The following SLC7A11 variants were observed in gnomAD, a reference collection of about 807,000 sequenced individuals.
The protein encoded by SLC7A11 is cystine/glutamate transporter.
Under a neutral mutation model 54.5 loss-of-function variants are expected in SLC7A11, and 35 were observed. The ratio of observed to expected loss-of-function variants is 0.64; its 90% CI spans 0.49 to 0.85. The LOEUF (loss-of-function observed/expected upper bound fraction) is 0.85, where lower values mean the gene tolerates loss of function less well. Among genes scored for constraint, SLC7A11 ranks in the 40% least tolerant of loss-of-function variants. The pLI, the probability that SLC7A11 is intolerant of heterozygous loss-of-function variation, is 0.00. For missense variants in SLC7A11, 583 were observed against 618.1 expected, an observed-to-expected ratio of 0.94 and a Z score of 0.60; for synonymous variants, 230 against 225.2, an observed-to-expected ratio of 1.02 and a Z score of -0.19.
chr4:138,237,393 T>C (rs1212118166), intron 1 of SLC7A11, among the ~76,000 whole-genome samples: 2 of 148,938 alleles, frequency 1.3e-5, no homozygotes, highest in African/African-American at 5.0e-5. Flanking sequence ...TCTCTGGGTG[T>C]TTTTTTTTGT....
rs752774192 is a variant in SLC7A11, at chr4:138,180,729, CTG to C, written c.1176_1177del (p.Ser393PhefsTer56). The C allele has an allele frequency of 8.7e-6, 14 of 1,612,864 alleles. No individual in the cohort carries two copies. Among genetic ancestry groups the C allele is most frequent in the Admixed American group, 1.7e-5 (1 of 59,814 alleles). On this transcript the variant is annotated frameshift_variant, in exon 10 of 12. Transcript: ENST00000280612. LOFTEE classifies it high-confidence loss of function. ...CCCAATAAAAAGCCACCTGGCAAAA[CTG>C]AGGAAATTCAAAAGACTGTCGAGGT... is the stretch of plus-strand genomic sequence containing the variant.
At position 138,183,235 on chromosome 4, in the gene SLC7A11, C is replaced by T. The variant is rs1029979827; in HGVS notation, c.986G>A (p.Gly329Asp). ...VPIFVALSCF[G>D]SMNGGVFAVS... ...AGCAAACACACCACCGTTCATGGAGCCAAAGCAGGAGAGGGCAACAAAGAT... is the reference window on the plus strand; with the variant it reads ...AGCAAACACACCACCGTTCATGGAGTCAAAGCAGGAGAGGGCAACAAAGAT... The change falls in exon 8 of 12, where the codon GGC becomes GAC. Residue 329 changes from glycine (G) to aspartate (D), a missense_variant. Physicochemically the swap from Gly to Asp is moderately conservative, Grantham distance 94 (BLOSUM62 -1). Coordinates refer to ENST00000280612, the MANE Select transcript of SLC7A11 (RefSeq NM_014331.4). 6.2e-7 allele frequency: 1 copy of T among 1,611,918 alleles called. No homozygotes were observed. Among genetic ancestry groups the T allele is most frequent in the African/African-American group, 1.3e-5 (1 of 74,804 alleles).
At chr4:138,205,105 A>C (rs1478383519) in intron 6 of SLC7A11, among the ~76,000 whole-genome samples, 1 of 152,012 alleles carries the variant, frequency 6.6e-6, no homozygotes, top group East Asian at 1.9e-4. Context: ...GAGAACTATA[A>C]TATAGGGATT....
At chr4:138,207,797 A>C (rs191978207) in intron 6 of SLC7A11, among the ~76,000 whole-genome samples, 1 of 152,266 alleles carries the variant, frequency 6.6e-6, no homozygotes, top group African/African-American at 2.4e-5. Flanking sequence ...TTCTTTAGTC[A>C]TGTAACTTTG....
At chr4:138,183,423 T>C in intron 7 of SLC7A11, 118 bp from the exon 8 acceptor site, 1 of 680,808 alleles carries the variant, frequency 1.5e-6, no homozygotes, top group Middle Eastern at 2.5e-4. Flanking sequence ...TTGTATGTTT[T>C]ATAATTTCTC....
intron 6 of SLC7A11, among the ~76,000 whole-genome samples, chr4:138,196,704 G>C (rs1578645076): frequency 6.6e-6 from 1 of 151,900 alleles, no homozygotes; most frequent in East Asian, 1.9e-4. Flanking sequence ...TTGTCACCCG[G>C]GCGGGAGTGC....
chr4:138,194,493 G>A (rs1176178491), intron 6 of SLC7A11, among the ~76,000 whole-genome samples: 1 of 152,056 alleles, frequency 6.6e-6, no homozygotes. Flanking sequence ...ACTATCTAAT[G>A]GCTCAGGGAC....
In SLC7A11 at chr4:138,241,886, T is replaced by C. The variant is rs1738389546; in HGVS notation, c.184A>G (p.Ile62Val). The C allele has an allele frequency of 6.2e-7, 1 of 1,613,886 alleles. No individual in the cohort carries two copies. Among genetic ancestry groups the C allele is most frequent in the African/African-American group, 1.3e-5 (1 of 74,880 alleles). ...AGCACGCCCTTAGGAGAGATGAAGA[T>C]TCCTGCTCCAATGATGGTGCCAATG... ...IIIGTIIGAG[I>V]FISPKGVLQN... The change falls in exon 1 of 12, where the codon ATC (isoleucine) becomes GTC (valine). Residue 62 changes from isoleucine (I) to valine (V), a missense_variant. Coordinates refer to ENST00000280612, the MANE Select transcript of SLC7A11 (RefSeq NM_014331.4).
intron 4 of SLC7A11, among the ~76,000 whole-genome samples, chr4:138,220,155 G>T (rs1737777090): frequency 6.6e-6 from 1 of 152,058 alleles, no homozygotes; most frequent in East Asian, 1.9e-4. Flanking sequence ...GGCCAGGCTG[G>T]TCTTGAACTC....
chr4:138,213,447 T>G (rs918938215), intron 6 of SLC7A11, among the ~76,000 whole-genome samples: 1 of 152,044 alleles, frequency 6.6e-6, no homozygotes, highest in African/African-American at 2.4e-5. Context: ...TATTCTTTGA[T>G]GTCCAGGCTA....
At chr4:138,237,739 T>TATATATATATATA (rs1738270196) in intron 1 of SLC7A11, among the ~76,000 whole-genome samples, 1 of 9,206 alleles carries the variant, frequency 1.1e-4, no homozygotes, top group Non-Finnish European at 1.8e-4. Flanking sequence ...ATATATATAT[T>TATATATATATATA]TTTTTTTTTT....
At chr4:138,172,830 T>C (rs1736467937) in intron 11 of SLC7A11, among the ~76,000 whole-genome samples, 1 of 152,148 alleles carries the variant, frequency 6.6e-6, no homozygotes, top group South Asian at 2.1e-4. Context: ...TTAGTTCTTG[T>C]TTGCCTCTTT....
chr4:138,242,091 A>T lies in SLC7A11; in HGVS notation c.-22T>A. 1 of 1,609,828 alleles carries T rather than the reference A, an allele frequency of 6.2e-7. No individual in the cohort carries two copies. The highest frequency in any genetic ancestry group is 8.5e-7 in the Non-Finnish European group (1 of 1,177,488). ...CCATAGTAGGGACACACGGGGGAAA[A>T]ATAAAACAGAGGGAAAGAAAACAAA... On this transcript the variant is annotated 5_prime_UTR_variant, in exon 1 of 12. Transcript: ENST00000280612.
chr4:138,194,902 T>C (rs892419790), intron 6 of SLC7A11, among the ~76,000 whole-genome samples: 1 of 152,210 alleles, frequency 6.6e-6, no homozygotes, highest in Admixed American at 6.5e-5. Flanking sequence ...GATTGTTTAA[T>C]AGAATTCTTT....
chr4:138,176,546 A>G (rs1736575573), intron 11 of SLC7A11: 1 of 152,194 alleles, frequency 6.6e-6, no homozygotes, highest in African/African-American at 2.4e-5. Context: ...ACAAAGAAAT[A>G]ATACAAAGTA....
chr4:138,241,983 G>T lies in SLC7A11; in HGVS notation c.87C>A (p.Asn29Lys). The change falls in exon 1 of 12, where the codon AAC (asparagine) becomes AAA (lysine). Residue 29 changes from asparagine (N) to lysine (K), a missense_variant. Asn to Lys is a moderately conservative substitution (Grantham distance 94). Transcript: ENST00000280612. ...CTTTCTCCTGCCCAGGTGGCTCCTT[G>T]TTGCCCAGGGAAGGCAGCCTCCCGT... ...NVNGRLPSLG[N>K]KEPPGQEKVQ... 2 of 1,614,170 alleles carry T rather than the reference G, an allele frequency of 1.2e-6. No homozygotes were observed. Among genetic ancestry groups the T allele is most frequent in the Non-Finnish European group, 1.7e-6 (2 of 1,180,030 alleles).
intron 10 of SLC7A11, among the ~76,000 whole-genome samples, chr4:138,180,171 A>T (rs1191386141): frequency 1.3e-5 from 2 of 152,140 alleles, no homozygotes; most frequent in Non-Finnish European, 2.9e-5. Flanking sequence ...AGTGTATAAT[A>T]TAGAGAAAGA....
intron 9 of SLC7A11, among the ~76,000 whole-genome samples, chr4:138,181,174 C>T (rs1400741691): frequency 6.6e-6 from 1 of 152,036 alleles, no homozygotes; most frequent in Admixed American, 6.6e-5. Context: ...CGATAATGAA[C>T]AGTAAAAGAG....
At chr4:138,188,702 G>A (rs541635837) in intron 6 of SLC7A11, among the ~76,000 whole-genome samples, 1 of 152,294 alleles carries the variant, frequency 6.6e-6, no homozygotes, top group Non-Finnish European at 1.5e-5. Flanking sequence ...AAGGCAAATG[G>A]CACTTGATAA....
Sources: allele counts gnomAD v4.1 joint callset (sites outside exome capture counted in the v4.1 genomes callset), GRCh38; gene constraint gnomAD v4.1.1; transcripts MANE v1.5; gene names NCBI Gene and HGNC (gene_info 2026-07-23, HGNC 2026-07-21).